The following CFAP20DC variants were observed in gnomAD, a reference collection of about 807,000 sequenced individuals.
The protein encoded by CFAP20DC is protein CFAP20DC.
In CFAP20DC, 84 loss-of-function variants were observed where a neutral mutation model predicts 101.7. The observed-to-expected ratio is 0.83, with a 90% confidence interval of 0.69 to 0.99. The LOEUF (loss-of-function observed/expected upper bound fraction) is 0.99. Ranked by LOEUF, CFAP20DC falls within the 50% of genes least tolerant of loss-of-function variation. The pLI, the probability that CFAP20DC is intolerant of heterozygous loss-of-function variation, is 0.00. For missense variants in CFAP20DC, 1,007 were observed against 970.3 expected (o/e 1.04, Z -0.50); for synonymous variants, 359 against 351.2 (o/e 1.02, Z -0.25).
At chr3:58,902,010 C>T (rs199518104) in intron 6 of CFAP20DC, among the ~76,000 whole-genome samples, 1 of 152,208 alleles carries the variant, frequency 6.6e-6, no homozygotes, top group Non-Finnish European at 1.5e-5. Flanking sequence ...TGGAATCATA[C>T]ATTATGTGAC....
chr3:58,853,568 T>C (rs1272281691), intron 12 of CFAP20DC, among the ~76,000 whole-genome samples: 1 of 151,952 alleles, frequency 6.6e-6, no homozygotes, highest in Non-Finnish European at 1.5e-5. Context: ...TGATGAACAT[T>C]GATGCAAAAA....
chr3:58,988,336 G>A (rs1335566105), intron 4 of CFAP20DC, among the ~76,000 whole-genome samples: 1 of 152,136 alleles, frequency 6.6e-6, no homozygotes, highest in Non-Finnish European at 1.5e-5. Flanking sequence ...TATCAGTCAA[G>A]ACGGGTTATA....
intron 4 of CFAP20DC, among the ~76,000 whole-genome samples, chr3:58,939,980 T>G (rs529880204): frequency 4.6e-5 from 7 of 152,290 alleles, no homozygotes; most frequent in Non-Finnish European, 5.9e-5. Context: ...TTGGCCAAGC[T>G]GGTCTAGAAC....
Position 58,819,311 on chromosome 3 carries a change from T to G in CFAP20DC, c.2175+12375A>C, listed in dbSNP as rs137865924. Among the ~76,000 whole-genome samples the G allele has an allele frequency of 4.5e-3, 677 of 151,898 alleles. 3 individuals carry two copies. The highest frequency in any genetic ancestry group is 0.016 in the African/African-American group (651 of 41,376). On this transcript the variant is annotated intron_variant, in intron 14 of 16. Coordinates refer to ENST00000482387, the MANE Select transcript of CFAP20DC (RefSeq NM_001394063.1). Reference sequence around the variant, plus strand: ...AACATAAGAGCAGAACTGAAGGAAATAGAGACACAAAAAACCCTTCAAAAA... The same window carrying G: ...AACATAAGAGCAGAACTGAAGGAAAGAGAGACACAAAAAACCCTTCAAAAA...
intron 14 of CFAP20DC, among the ~76,000 whole-genome samples, chr3:58,809,916 T>C (rs1170930264): frequency 1.3e-5 from 2 of 152,084 alleles, no homozygotes; most frequent in Non-Finnish European, 2.9e-5. Flanking sequence ...CAGGGAATAG[T>C]ACAAAAACCT....
downstream of CFAP20DC, among the ~76,000 whole-genome samples, chr3:58,717,048 C>A (rs2067408593): frequency 6.6e-6 from 1 of 151,842 alleles, no homozygotes; most frequent in Non-Finnish European, 1.5e-5. This position sits in a 1 kb window ranked among gnomAD's most constrained non-coding sequence, Gnocchi z 4.1. Flanking sequence ...CAGCTATTCC[C>A]CCATCCTCTG....
intron 5 of CFAP20DC, among the ~76,000 whole-genome samples, chr3:58,927,579 G>A (rs1168219482): frequency 6.6e-6 from 1 of 152,162 alleles, no homozygotes; most frequent in Non-Finnish European, 1.5e-5. Flanking sequence ...CCTTTTTCAA[G>A]GAAGGTCTGA....
intron 6 of CFAP20DC, among the ~76,000 whole-genome samples, chr3:58,887,973 A>G (rs2081798618): frequency 1.3e-5 from 2 of 152,194 alleles, no homozygotes; most frequent in Admixed American, 6.5e-5. Flanking sequence ...TTTTTGTGAA[A>G]CCAAACTATG....
At chr3:59,023,923 A>C (rs1371400132) in intron 4 of CFAP20DC, among the ~76,000 whole-genome samples, 1 of 152,116 alleles carries the variant, frequency 6.6e-6, no homozygotes, top group African/African-American at 2.4e-5. Flanking sequence ...TACGTAAAAC[A>C]TATAAACATT....
intron 15 of CFAP20DC, among the ~76,000 whole-genome samples, chr3:58,796,924 GGACACCA>G (rs1279541751): frequency 6.6e-6 from 1 of 151,980 alleles, no homozygotes; most frequent in Non-Finnish European, 1.5e-5. Context: ...AATTGTTTTG[GGACACCA>G]GGAACCATGC....
At chr3:58,741,499 A>T (rs1044905898), downstream of CFAP20DC, among the ~76,000 whole-genome samples, 11 of 143,014 alleles carry the variant, frequency 7.7e-5, no homozygotes, top group African/African-American at 1.5e-4. Flanking sequence ...TTGTCAAAAT[A>T]TTTTTTTTTT....
intron 15 of CFAP20DC, among the ~76,000 whole-genome samples, chr3:58,793,018 T>C (rs367852721): frequency 1.8e-4 from 28 of 152,234 alleles, no homozygotes; most frequent in African/African-American, 6.3e-4. Context: ...TTTTTCTAAT[T>C]TGAAAGCTAC....
Position 58,722,316 on chromosome 3 carries a change from G to A in CFAP20DC, c.198-4688C>T, listed in dbSNP as rs368130787. Among the ~76,000 whole-genome samples the A allele has an allele frequency of 3.3e-5, 5 of 152,150 alleles. No individual in the cohort carries two copies. Among genetic ancestry groups the A allele is most frequent in the South Asian group, 4.1e-4 (2 of 4,824 alleles). ...CATGAAGCTGAGTTAAGCTGTCCAC[G>A]GAACCCATGCGTGTACTACTATGGT... On this transcript the variant is annotated intron_variant, in intron 3 of 3. Transcript: ENST00000486145. The surrounding 1 kb of genome is among the most constrained non-coding windows in gnomAD (Gnocchi z 4.5).
At chr3:58,830,727 T>C (rs1040997057) in intron 14 of CFAP20DC, among the ~76,000 whole-genome samples, 3 of 152,202 alleles carry the variant, frequency 2.0e-5, no homozygotes, top group Non-Finnish European at 2.9e-5. Flanking sequence ...TATTTACTTT[T>C]GGATGAAAGT....
At chr3:58,933,131 G>C (rs1217285910) in intron 5 of CFAP20DC, among the ~76,000 whole-genome samples, 1 of 151,986 alleles carries the variant, frequency 6.6e-6, no homozygotes, top group Non-Finnish European at 1.5e-5. Flanking sequence ...CCTAGTCTCT[G>C]ATAAAACAGA....
chr3:59,037,363 A>C (rs1355465983), intron 4 of CFAP20DC, among the ~76,000 whole-genome samples: 6 of 151,828 alleles, frequency 4.0e-5, no homozygotes, highest in Admixed American at 3.9e-4. Flanking sequence ...AATGGGAGAA[A>C]ATTTTTGCAA....
chr3:58,927,853 G>A (rs1167156617), intron 5 of CFAP20DC, among the ~76,000 whole-genome samples: 1 of 152,086 alleles, frequency 6.6e-6, no homozygotes, highest in African/African-American at 2.4e-5. Flanking sequence ...ACACAACTCA[G>A]CTTTAATTAA....
At chr3:58,974,949 C>T (rs1288761871) in intron 4 of CFAP20DC, among the ~76,000 whole-genome samples, 1 of 152,174 alleles carries the variant, frequency 6.6e-6, no homozygotes, top group African/African-American at 2.4e-5. Context: ...CCCATGTCTC[C>T]TTTGCTGGCT....
intron 4 of CFAP20DC, among the ~76,000 whole-genome samples, chr3:59,020,919 C>T (rs1346504882): frequency 2.0e-5 from 3 of 152,064 alleles, no homozygotes; most frequent in Non-Finnish European, 4.4e-5. Context: ...TGTGAGACAG[C>T]TATGTATGAA....
Sources: gnomAD v4.1 joint callset for allele counts (sites outside exome capture counted in the v4.1 genomes callset) on GRCh38, gnomAD v4.1.1 for gene constraint, Gnocchi (gnomAD v3.1) non-coding constraint, MANE v1.5 for transcripts, NCBI Gene and HGNC (gene_info 2026-07-23, HGNC 2026-07-21) for gene names.